AGO1: variants seen among roughly 807,000 people sequenced by gnomAD.
AGO1 encodes the protein protein argonaute-1.
AGO1 carries 11 observed loss-of-function variants against 109.2 expected under a neutral mutation model. That is an observed-to-expected ratio of 0.10 (90% CI 0.06 to 0.17). The LOEUF is 0.17. AGO1 is among the 10% of genes least tolerant of loss of function. AGO1 has a pLI of 1.00. For synonymous variants in AGO1, 422 were observed against 418.6 expected, an observed-to-expected ratio of 1.01 and a Z score of -0.10; for missense variants, 574 against 1,140.3, an observed-to-expected ratio of 0.50 and a Z score of 7.15.
intron 11 of AGO1, among the ~76,000 whole-genome samples, chr1:35,905,316 T>C (rs1382910000): frequency 6.6e-6 from 1 of 152,266 alleles, no homozygotes; most frequent in Non-Finnish European, 1.5e-5. Flanking sequence ...GGTTAGGTCG[T>C]GTTTTTTTAT....
chr1:35,901,296 A>T lies in AGO1; in HGVS notation c.1021-178A>T, dbSNP rs1645412325. On this transcript the variant is annotated intron_variant, in intron 8 of 18. Transcript: ENST00000373204. This position sits in a 1 kb window ranked among gnomAD's most constrained non-coding sequence, Gnocchi z 4.8. The stretch of plus-strand genomic sequence containing the variant: ...TGAATCGCCTTTTACAATGCACACG[A>T]ATATTTTCTAATTTACCTATCAAAT... Among the ~76,000 whole-genome samples, 1 of 152,122 alleles carries T rather than the reference A, an allele frequency of 6.6e-6. No homozygotes were observed. Among genetic ancestry groups the T allele is most frequent in the African/African-American group, 2.4e-5 (1 of 41,416 alleles).
chr1:35,896,162 G>C (rs540524518), intron 8 of AGO1, among the ~76,000 whole-genome samples: 5 of 152,084 alleles, frequency 3.3e-5, no homozygotes, highest in Admixed American at 1.3e-4. Context: ...ACCACACCCA[G>C]CTAATTTTGT....
At chr1:35,907,192 A>G (rs942989136) in intron 12 of AGO1, 73 bp downstream of exon 12, 76 of 1,401,846 alleles carry the variant, frequency 5.4e-5, no homozygotes, top group Non-Finnish European at 6.9e-5. Context: ...TCTCCTGGGA[A>G]GGACTCAGTC....
intron 14 of AGO1, among the ~76,000 whole-genome samples, chr1:35,914,966 G>A (rs750251797): frequency 6.6e-6 from 1 of 152,086 alleles, no homozygotes; most frequent in Non-Finnish European, 1.5e-5. Flanking sequence ...CATTTGAATG[G>A]GAAAAAGGAT....
rs1253745360 is a variant in AGO1, at chr1:35,883,608, A to G, written c.25+162A>G. 6.6e-6 allele frequency among the ~76,000 whole-genome samples: 1 copy of G among 152,070 alleles called. No individual in the cohort carries two copies. The highest frequency in any genetic ancestry group is 1.5e-5 in the Non-Finnish European group (1 of 68,014). On this transcript the variant is annotated intron_variant, in intron 1 of 18. Coordinates refer to ENST00000373204, the MANE Select transcript of AGO1 (RefSeq NM_012199.5). This position sits in a 1 kb window ranked among gnomAD's most constrained non-coding sequence, Gnocchi z 5.4. ...GAGGCTGTGTGCAGTTCCGGGGGAG[A>G]ACCATGTGAAGAGAGCCCTGAGATG... is the stretch of plus-strand genomic sequence containing the variant.
chr1:35,891,328 G>A (rs1176256577), intron 2 of AGO1, among the ~76,000 whole-genome samples: 2 of 152,188 alleles, frequency 1.3e-5, no homozygotes, highest in Non-Finnish European at 2.9e-5. Flanking sequence ...TGGGGTCTAA[G>A]TTTCAGAGGT....
At chr1:35,885,886 T>C (rs1256209717) in intron 1 of AGO1, among the ~76,000 whole-genome samples, 1 of 152,266 alleles carries the variant, frequency 6.6e-6, no homozygotes, top group Non-Finnish European at 1.5e-5. Flanking sequence ...GGATATTTAA[T>C]AAAGTGTATA....
upstream of AGO1, among the ~76,000 whole-genome samples, chr1:35,880,663 T>C (rs952107131): frequency 1.3e-5 from 2 of 152,204 alleles, no homozygotes; most frequent in African/African-American, 4.8e-5. Flanking sequence ...TGTTTCGTTT[T>C]GTTTTTTGTT....
chr1:35,884,939 G>T (rs1237784176), intron 1 of AGO1, among the ~76,000 whole-genome samples: 1 of 152,210 alleles, frequency 6.6e-6, no homozygotes, highest in Middle Eastern at 3.2e-3. Context: ...TTTAGGCCAT[G>T]AACTTCATTA....
upstream of AGO1, among the ~76,000 whole-genome samples, chr1:35,881,302 A>G (rs1386559836): frequency 1.3e-5 from 2 of 152,058 alleles, no homozygotes; most frequent in Non-Finnish European, 2.9e-5. Context: ...AGGGCTTACC[A>G]ATCCAAGTTT....
chr1:35,914,530 C>G (rs958749089), intron 14 of AGO1, among the ~76,000 whole-genome samples: 14 of 152,190 alleles, frequency 9.2e-5, no homozygotes, highest in African/African-American at 3.4e-4. Context: ...ATTTGAATGT[C>G]TTTCTTTCCC....
upstream of AGO1, among the ~76,000 whole-genome samples, chr1:35,880,332 T>C (rs909819479): frequency 6.6e-6 from 1 of 151,944 alleles, no homozygotes; most frequent in African/African-American, 2.4e-5. Flanking sequence ...GGGGGATTGC[T>C]TGAGCTCAGG....
At position 35,883,787 on chromosome 1, in the gene AGO1, A is replaced by G. The variant is rs981257242; in HGVS notation, c.25+341A>G. 2.6e-5 allele frequency among the ~76,000 whole-genome samples: 4 copies of G among 152,006 alleles called. No homozygotes were observed. Among genetic ancestry groups the G allele is most frequent in the Non-Finnish European group, 5.9e-5 (4 of 67,976 alleles). On this transcript the variant is annotated intron_variant, in intron 1 of 18. Coordinates refer to ENST00000373204, the MANE Select transcript of AGO1 (RefSeq NM_012199.5). This position sits in a 1 kb window ranked among gnomAD's most constrained non-coding sequence, Gnocchi z 5.4. ...GGGACGGGCTCCAGGTGTCCAGGAG[A>G]GGAGGGGGCGACACAGATGGGCCTG...
intron 8 of AGO1, among the ~76,000 whole-genome samples, chr1:35,895,554 T>G (rs975148566): frequency 2.0e-5 from 3 of 152,216 alleles, no homozygotes; most frequent in Non-Finnish European, 4.4e-5. Flanking sequence ...CCCACACTCA[T>G]GTTCTCTTAA....
intron 1 of AGO1, among the ~76,000 whole-genome samples, chr1:35,877,235 A>T (rs1644999881): frequency 6.6e-6 from 1 of 152,126 alleles, no homozygotes; most frequent in African/African-American, 2.4e-5. Context: ...TAGGGAGCGA[A>T]TGGGCAGATT....
chr1:35,907,080 C>T lies in AGO1; in HGVS notation c.1543C>T (p.Leu515Phe), dbSNP rs1268149326. Residue 515 changes from leucine (L) to phenylalanine (F), a missense_variant, in exon 12 of 19, where the codon CTC (leucine) becomes TTC (phenylalanine). By Grantham distance (22) the Leu-to-Phe change is conservative. Around this residue, in one of 8 missense-constraint regions of AGO1, gnomAD observed 68 missense variants for 200.2 expected, o/e 0.34. Transcript: ENST00000373204. ...CAAGAACACCTACTCAGGGCTGCAG[C>T]TCATTATTGTCATCCTGCCAGGGAA... ...HLKNTYSGLQ[L>F]IIVILPGKTP... is the part of the protein sequence containing the mutation. The T allele has an allele frequency of 6.2e-7, 1 of 1,613,948 alleles. No homozygotes were observed. The highest frequency in any genetic ancestry group is 1.7e-5 in the Admixed American group (1 of 59,992).
At position 35,928,390 on chromosome 1, in the gene AGO1, C is replaced by T. The variant is rs1308492815; in HGVS notation, c.*8783C>T. ...CTGCCTCCTGGGCTCAAGCAATCCT[C>T]CCACCTCAGCCTCCTGAGTAGCTGG... On this transcript the variant is annotated 3_prime_UTR_variant, in exon 19 of 19. Transcript: ENST00000373204. 2 of 152,226 alleles carry T rather than the reference C, an allele frequency of 1.3e-5. No individual in the cohort carries two copies. The highest frequency in any genetic ancestry group is 4.8e-5 in the African/African-American group (2 of 41,430). The allele number at this position is 152,226 out of a possible 1,614,324, so 9.4% of individuals were successfully genotyped here.
Position 35,888,869 on chromosome 1 carries a change from T to C in AGO1, c.209+259T>C, listed in dbSNP as rs1317101535. On this transcript the variant is annotated intron_variant, in intron 2 of 18. Transcript: ENST00000373204. This position sits in a 1 kb window ranked among gnomAD's most constrained non-coding sequence, Gnocchi z 4.1. ...AATCTAACTACATTGAGTTAAGAAA[T>C]AAGTACAGTACCTACTACATTTCAA... Among the ~76,000 whole-genome samples the C allele has an allele frequency of 2.6e-5, 4 of 152,204 alleles. No homozygotes were observed. Among genetic ancestry groups the C allele is most frequent in the African/African-American group, 9.6e-5 (4 of 41,464 alleles).
chr1:35,901,351 C>A lies in AGO1; in HGVS notation c.1021-123C>A, dbSNP rs1034412535. The A allele has an allele frequency of 3.3e-6, 4 of 1,224,342 alleles. No individual in the cohort carries two copies. In the African/African-American group the frequency reaches 6.1e-5, roughly 19 times the overall value. The allele number at this position is 1,224,342 out of a possible 1,614,324, so 75.8% of individuals were successfully genotyped here. A position where few individuals can be genotyped will look rare whatever the true frequency, so the allele number is the denominator to read the frequency against. ...CTCAGGAGGAGAATACATGTATGCA[C>A]AACGGATTTTGCAGTTCCCTTCCCC... On this transcript the variant is annotated intron_variant, in intron 8 of 18. Coordinates refer to ENST00000373204, the MANE Select transcript of AGO1 (RefSeq NM_012199.5). This position sits in a 1 kb window ranked among gnomAD's most constrained non-coding sequence, Gnocchi z 4.8.
Sources: gnomAD v4.1 joint callset for allele counts (sites outside exome capture counted in the v4.1 genomes callset) on GRCh38, gnomAD v4.1.1 for gene constraint, gnomAD v4.1.1 regional missense constraint, Gnocchi (gnomAD v3.1) non-coding constraint, MANE v1.5 for transcripts, NCBI Gene and HGNC (gene_info 2026-07-23, HGNC 2026-07-21) for gene names.